Variants in ZMAT4 observed in about 807,000 individuals in gnomAD.
The protein encoded by ZMAT4 is zinc finger matrin-type protein 4.
ZMAT4 carries 17 observed loss-of-function variants against 28.7 expected under a neutral mutation model. That is an observed-to-expected ratio of 0.59 (90% CI 0.41 to 0.89). ZMAT4 has a LOEUF of 0.89. Ranked by LOEUF, ZMAT4 falls within the 40% of genes least tolerant of loss-of-function variation. ZMAT4 has a pLI of 0.00. For synonymous variants in ZMAT4, 117 were observed against 109.2 expected, an observed-to-expected ratio of 1.07 and a Z score of -0.44; for missense variants, 240 against 283.8, an observed-to-expected ratio of 0.85 and a Z score of 1.11.
At chr8:40,785,310 C>T (rs1019734414) in intron 2 of ZMAT4, among the ~76,000 whole-genome samples, 24 of 152,204 alleles carry the variant, frequency 1.6e-4, no homozygotes, top group Admixed American at 1.3e-4. Context: ...ATTTTCATTT[C>T]GGCAATTCAT....
intron 2 of ZMAT4, among the ~76,000 whole-genome samples, chr8:40,804,940 A>G (rs1029243344): frequency 8.6e-5 from 13 of 151,968 alleles, no homozygotes; most frequent in Non-Finnish European, 1.8e-4. Flanking sequence ...AATATTTCTC[A>G]AGTGTAAGCA....
At chr8:40,538,785 T>C (rs527623705) in intron 6 of ZMAT4, among the ~76,000 whole-genome samples, 6 of 151,396 alleles carry the variant, frequency 4.0e-5, no homozygotes, top group African/African-American at 1.5e-4. Flanking sequence ...TTTCTTTCTC[T>C]TTTTTTTTGT....
At chr8:40,806,761 G>A (rs756015864) in intron 2 of ZMAT4, among the ~76,000 whole-genome samples, 6 of 151,886 alleles carry the variant, frequency 4.0e-5, no homozygotes, top group South Asian at 2.1e-4. Context: ...ATTCCCTACC[G>A]AAAATGAGTG....
intron 2 of ZMAT4, among the ~76,000 whole-genome samples, chr8:40,820,147 T>C (rs565959005): frequency 1.5e-4 from 22 of 148,862 alleles, no homozygotes; most frequent in African/African-American, 5.2e-4. Context: ...CATGTGTGTG[T>C]ATATGCGAAT....
chr8:40,607,311 C>T (rs2342856), intron 5 of ZMAT4, among the ~76,000 whole-genome samples: 116,290 of 151,394 alleles, frequency 0.77, 44,837 homozygotes, highest in East Asian at 0.97. Context: ...TTTTTAAATA[C>T]ACGGTGAGAC....
intron 3 of ZMAT4, among the ~76,000 whole-genome samples, chr8:40,723,882 G>C (rs1023204661): frequency 6.6e-6 from 1 of 152,112 alleles, no homozygotes; most frequent in Admixed American, 6.6e-5. Context: ...AGCCAGCAGA[G>C]AGCTGCCACT....
intron 6 of ZMAT4, among the ~76,000 whole-genome samples, chr8:40,569,750 A>T (rs1256115897): frequency 1.3e-5 from 2 of 152,220 alleles, no homozygotes; most frequent in Non-Finnish European, 2.9e-5. Flanking sequence ...AGAACAGGAA[A>T]AAGAGGCCTC....
chr8:40,851,894 ATTTAT>A (rs1461691225), intron 1 of ZMAT4, among the ~76,000 whole-genome samples: 8 of 151,914 alleles, frequency 5.3e-5, no homozygotes, highest in Admixed American at 3.9e-4. Flanking sequence ...GCAATTTTTT[ATTTAT>A]TTTATTTTAT....
chr8:40,599,072 C>T (rs6996028), intron 5 of ZMAT4, among the ~76,000 whole-genome samples: 31,294 of 152,026 alleles, frequency 0.21, 3,349 homozygotes, highest in Middle Eastern at 0.26. Flanking sequence ...GACATTGACC[C>T]CTATTCTAAA....
At chr8:40,877,356 T>A (rs78879830) in intron 1 of ZMAT4, among the ~76,000 whole-genome samples, 2 of 152,276 alleles carry the variant, frequency 1.3e-5, no homozygotes, top group East Asian at 3.9e-4. Flanking sequence ...ATACAATAGT[T>A]AACGATCCTC....
chr8:40,825,438 C>T, intron 2 of ZMAT4, 137 bp downstream of exon 2: 1 of 686,346 alleles, frequency 1.5e-6, no homozygotes, highest in Non-Finnish European at 2.4e-6. Flanking sequence ...TGGCCTTGAC[C>T]TCAGACTGTA....
chr8:40,766,671 A>G (rs920919686), intron 3 of ZMAT4, among the ~76,000 whole-genome samples: 1 of 152,250 alleles, frequency 6.6e-6, no homozygotes, highest in South Asian at 2.1e-4. Flanking sequence ...ACCAAGAGGC[A>G]TGCTTAGAAT....
intron 1 of ZMAT4, among the ~76,000 whole-genome samples, chr8:40,848,569 C>T (rs1383328428): frequency 5.3e-5 from 8 of 152,160 alleles, no homozygotes; most frequent in Non-Finnish European, 1.2e-4. Context: ...ATGCTGACTT[C>T]ACCATTCACT....
chr8:40,741,006 ACACAC>A (rs1811979923), intron 3 of ZMAT4, among the ~76,000 whole-genome samples: 1 of 152,036 alleles, frequency 6.6e-6, no homozygotes. Context: ...ACACACACAC[ACACAC>A]ACACACACAC....
chr8:40,619,343 AT>A (rs1028299235), intron 5 of ZMAT4, among the ~76,000 whole-genome samples: 10 of 151,632 alleles, frequency 6.6e-5, no homozygotes, highest in African/African-American at 1.7e-4. Flanking sequence ...TGACTTGGAG[AT>A]TTTTTTTTCA....
At chr8:40,805,216 A>G (rs2150590802) in intron 2 of ZMAT4, among the ~76,000 whole-genome samples, 1 of 151,928 alleles carries the variant, frequency 6.6e-6, no homozygotes, top group Middle Eastern at 3.4e-3. Flanking sequence ...CATCAGAGAA[A>G]TGCAAATCAA....
At chr8:40,847,767 T>A (rs116628891) in intron 1 of ZMAT4, among the ~76,000 whole-genome samples, 5,072 of 151,586 alleles carry the variant, frequency 0.033, 251 homozygotes, top group African/African-American at 0.11. Flanking sequence ...GTCCCAGGAG[T>A]CTTCCCTGGC....
rs535669062 is a variant in ZMAT4, at chr8:40,873,121, A to G, written c.-5+24562T>C. ...TGGGAGGAACAAAGGGGGCAACTGC[A>G]GCTTTGAGGGATGTGTTGCCTTCAG... On this transcript the variant is annotated intron_variant, in intron 1 of 6. Transcript: ENST00000297737. 5.3e-5 allele frequency among the ~76,000 whole-genome samples: 8 copies of G among 152,312 alleles called. No individual in the cohort carries two copies. In the East Asian group the frequency reaches 1.5e-3, roughly 29 times the overall value.
rs140823203 is a variant in ZMAT4 at position 40,793,208 on chromosome 8, C to A, written c.103-25478G>T. 6.6e-5 allele frequency among the ~76,000 whole-genome samples: 10 copies of A among 152,276 alleles called. No homozygotes were observed. In the East Asian group the frequency reaches 1.9e-3, roughly 29 times the overall value. ...GTGGTGAGAGGGGGGTACATGGGTA[C>A]TTTCGCTCAATTTTTTGTAAACCTA... On this transcript the variant is annotated intron_variant, in intron 2 of 6. Coordinates refer to ENST00000297737, the MANE Select transcript of ZMAT4 (RefSeq NM_024645.3).
Sources: allele counts gnomAD v4.1 joint callset (sites outside exome capture counted in the v4.1 genomes callset), GRCh38; gene constraint gnomAD v4.1.1; transcripts MANE v1.5; gene names NCBI Gene and HGNC (gene_info 2026-07-23, HGNC 2026-07-21).